RIPK1: variants seen among roughly 807,000 people sequenced by gnomAD.
The protein encoded by RIPK1 is receptor interacting serine/threonine kinase 1, also known as receptor-interacting serine/threonine-protein kinase 1.
Under a neutral mutation model 62.4 loss-of-function variants are expected in RIPK1, and 27 were observed. The ratio of observed to expected loss-of-function variants is 0.43; its 90% CI spans 0.32 to 0.60. RIPK1 has a LOEUF of 0.60. Among genes scored for constraint, RIPK1 ranks in the 20% least tolerant of loss-of-function variants. The probability of loss-of-function intolerance (pLI) is 0.07; values close to 1 mark genes in which losing one functional copy is unlikely to be tolerated. For missense variants in RIPK1, 735 were observed against 831.0 expected (o/e 0.88, Z 1.42); for synonymous variants, 287 against 303.2 (o/e 0.95, Z 0.55).
Position 3,077,471 on chromosome 6 carries a change from A to T in RIPK1, c.165-308A>T, listed in dbSNP as rs1015614892. ...GAGAGAGGCTGTTTTTTTTTTTTTT[A>T]ATCGTTCTGTCCAGCACGGTCTTTT... On this transcript the variant is annotated intron_variant, in intron 2 of 10. Coordinates refer to ENST00000259808, the MANE Select transcript of RIPK1 (RefSeq NM_001354930.2). Among the ~76,000 whole-genome samples, 1 of 145,526 alleles carries T rather than the reference A, an allele frequency of 6.9e-6. No individual in the cohort carries two copies.
chr6:3,086,130 G>T (rs1319607179), intron 6 of RIPK1, among the ~76,000 whole-genome samples: 1 of 152,226 alleles, frequency 6.6e-6, no homozygotes, highest in African/African-American at 2.4e-5. Flanking sequence ...GATGAGGAAA[G>T]GTGCCGGGAT....
intron 7 of RIPK1, among the ~76,000 whole-genome samples, chr6:3,098,431 G>A (rs1020056164): frequency 2.0e-5 from 3 of 152,134 alleles, no homozygotes; most frequent in Non-Finnish European, 4.4e-5. Flanking sequence ...GATAATATGT[G>A]TCTAAACATT....
In RIPK1 at chr6:3,077,056, G is replaced by A. The variant is rs555383857; in HGVS notation, c.164+69G>A. 90 of 1,444,832 alleles carry A rather than the reference G, an allele frequency of 6.2e-5. No individual in the cohort carries two copies. In the African/African-American group the frequency reaches 8.4e-4, roughly 13 times the overall value. The allele number at this position is 1,444,832 out of a possible 1,614,324, so 89.5% of individuals were successfully genotyped here. On this transcript the variant is annotated intron_variant, in intron 2 of 10. Transcript: ENST00000259808. ...TGGGGACGTTGGCTGTTGTGGAGCC[G>A]TTGGCTGCTGCGGAGCCGTTGGTGG... is the stretch of plus-strand genomic sequence containing the variant.
intron 6 of RIPK1, among the ~76,000 whole-genome samples, chr6:3,085,888 G>A (rs915709691): frequency 2.0e-5 from 3 of 152,334 alleles, no homozygotes; most frequent in East Asian, 1.9e-4. Context: ...TGATGTCCTC[G>A]AGGTTCATCT....
Position 3,078,908 on chromosome 6 carries a change from GT to G in RIPK1, c.321+985del, listed in dbSNP as rs553688687. On this transcript the variant is annotated intron_variant, in intron 3 of 10. Transcript: ENST00000259808. ...TAAATAAGTGGTATGGTGTGATGGG[GT>G]TTTTTTTTTTTCTTTTGTAAGAGAA... Among the ~76,000 whole-genome samples the G allele has an allele frequency of 7.8e-3, 1,146 of 146,344 alleles. 11 individuals are homozygous for G. The highest frequency in any genetic ancestry group is 0.027 in the African/African-American group (1,071 of 40,302).
At chr6:3,108,013 C>T (rs1384115772) in intron 9 of RIPK1, among the ~76,000 whole-genome samples, 1 of 151,580 alleles carries the variant, frequency 6.6e-6, no homozygotes, top group Non-Finnish European at 1.5e-5. Context: ...AAGTCTTCTG[C>T]TTGCTTTTAT....
chr6:3,065,277 A>C (rs1237550540), upstream of RIPK1, among the ~76,000 whole-genome samples: 1 of 149,570 alleles, frequency 6.7e-6, no homozygotes, highest in South Asian at 2.1e-4. Context: ...AAAAAAAAAA[A>C]AAAAAAAAAA....
At chr6:3,073,839 A>G (rs918045635) in intron 1 of RIPK1, among the ~76,000 whole-genome samples, 9 of 152,142 alleles carry the variant, frequency 5.9e-5, no homozygotes, top group Non-Finnish European at 1.0e-4. Context: ...CCTGCCCTCC[A>G]ACATTTTATT....
intron 7 of RIPK1, among the ~76,000 whole-genome samples, chr6:3,096,969 C>G (rs1760349002): frequency 6.6e-6 from 1 of 152,126 alleles, no homozygotes; most frequent in Admixed American, 6.5e-5. Context: ...CTCCCGCGTT[C>G]AAGCAATTCT....
At chr6:3,111,794 G>T (rs1320598944) in intron 10 of RIPK1, among the ~76,000 whole-genome samples, 4 of 152,150 alleles carry the variant, frequency 2.6e-5, no homozygotes, top group African/African-American at 9.7e-5. Context: ...AGGGGCACCT[G>T]TGAGAATCTA....
chr6:3,089,079 T>A (rs1759876088), intron 6 of RIPK1, among the ~76,000 whole-genome samples: 1 of 152,186 alleles, frequency 6.6e-6, no homozygotes, highest in African/African-American at 2.4e-5. Flanking sequence ...AAATAATATA[T>A]AGGATGTTTT....
At position 3,094,580 on chromosome 6, in the gene RIPK1, C is replaced by CATATAT. The variant is rs370564571; in HGVS notation, c.915+4938_915+4943dup. On this transcript the variant is annotated intron_variant, in intron 7 of 10. Coordinates refer to ENST00000259808, the MANE Select transcript of RIPK1 (RefSeq NM_001354930.2). ...TATAACCTTAAATAAATAAATATTT[C>CATATAT]ATATATATATATATATATATGAAGA... 4.4e-3 allele frequency among the ~76,000 whole-genome samples: 619 copies of CATATAT among 139,284 alleles called. 2 individuals are homozygous for CATATAT. Among genetic ancestry groups the CATATAT allele is most frequent in the African/African-American group, 0.015 (547 of 35,556 alleles). The allele number at this position is 139,284 out of a possible 152,430, so 91.4% of individuals were successfully genotyped here.
In RIPK1 at chr6:3,105,931, C is replaced by T. The variant is rs202192603; in HGVS notation, c.1456C>T (p.Pro486Ser). The T allele has an allele frequency of 2.1e-5, 34 of 1,614,070 alleles. No homozygotes were observed. In the African/African-American group the frequency reaches 4.3e-4, roughly 20 times the overall value. Residue 486 changes from proline (P) to serine (S), a missense_variant, in exon 9 of 11, where the codon CCC becomes TCC. Pro to Ser is a moderately conservative substitution (Grantham distance 74). Transcript: ENST00000259808. The surrounding 1 kb of genome is among the most constrained non-coding windows in gnomAD (Gnocchi z 4.5). ...ACCACTGGATCCAGGAACAGCAGGT[C>T]CCAGAGTTTGGTACAGGCCAATTCC... is the stretch of plus-strand genomic sequence containing the variant. ...TRPLDPGTAG[P>S]RVWYRPIPSH...
In RIPK1 at chr6:3,110,856, T is replaced by C. The variant is rs1761119593; in HGVS notation, c.1630T>C (p.Tyr544His). Reference sequence around the variant, plus strand: ...TAGTACTGGCATTCAGATTGGAGCCTACAATTATATGGAGATTGGTGGGAC... The same window carrying C: ...TAGTACTGGCATTCAGATTGGAGCCCACAATTATATGGAGATTGGTGGGAC... ...YNSTGIQIGAYNYMEIGGTSS... is the reference protein window; with the variant it reads ...YNSTGIQIGAHNYMEIGGTSS... The change falls in exon 10 of 11, where the codon TAC becomes CAC. Residue 544 changes from tyrosine (Y) to histidine (H), a missense_variant. Tyr to His is a moderately conservative substitution (Grantham distance 83, BLOSUM62 2). This residue lies in a region of RIPK1 where 671 missense variants were observed against 726.2 expected (regional missense o/e 0.92). Coordinates refer to ENST00000259808, the MANE Select transcript of RIPK1 (RefSeq NM_001354930.2). 6.2e-7 allele frequency: 1 copy of C among 1,600,184 alleles called. No homozygotes were observed. Among genetic ancestry groups the C allele is most frequent in the South Asian group, 1.1e-5 (1 of 90,786 alleles).
At chr6:3,065,637 G>A (rs888660753), upstream of RIPK1, among the ~76,000 whole-genome samples, 1 of 152,108 alleles carries the variant, frequency 6.6e-6, no homozygotes, top group Admixed American at 6.5e-5. Flanking sequence ...TGCAGCCTGG[G>A]GGTGGGGGTT....
intron 1 of RIPK1, among the ~76,000 whole-genome samples, chr6:3,071,797 T>C (rs1414240195): frequency 6.6e-6 from 1 of 152,190 alleles, no homozygotes; most frequent in Non-Finnish European, 1.5e-5. Flanking sequence ...ACTAGAGGCC[T>C]TCCCAAACTC....
chr6:3,073,904 G>A (rs181422584), intron 1 of RIPK1, among the ~76,000 whole-genome samples: 55 of 152,252 alleles, frequency 3.6e-4, no homozygotes, highest in East Asian at 3.1e-3. Flanking sequence ...TCTTAACACC[G>A]CTTGCTTCAT....
intron 9 of RIPK1, among the ~76,000 whole-genome samples, chr6:3,107,066 C>T (rs1760886713): frequency 6.6e-6 from 1 of 151,846 alleles, no homozygotes; most frequent in Non-Finnish European, 1.5e-5. Flanking sequence ...GCCTGGCTAA[C>T]ATGGTAAAAC....
Position 3,113,379 on chromosome 6 carries a change from T to G in RIPK1, c.*40T>G. 1 of 1,583,586 alleles carries G rather than the reference T, an allele frequency of 6.3e-7. No individual in the cohort carries two copies. On this transcript the variant is annotated 3_prime_UTR_variant, in exon 11 of 11. Transcript: ENST00000259808. The surrounding 1 kb of genome is among the most constrained non-coding windows in gnomAD (Gnocchi z 5.0). ...CGGCAGCTGAAGTGGACGCCTCACT[T>G]AGTGGATAACCCCAGAAAGTTGGCT...
Sources: allele counts gnomAD v4.1 joint callset (sites outside exome capture counted in the v4.1 genomes callset), GRCh38; gene constraint gnomAD v4.1.1; regional missense constraint gnomAD v4.1.1; non-coding constraint Gnocchi (gnomAD v3.1); transcripts MANE v1.5; gene names NCBI Gene and HGNC (gene_info 2026-07-23, HGNC 2026-07-21).